Variants in SEMA3A observed in about 807,000 individuals in gnomAD.
SEMA3A encodes the protein semaphorin-3A.
A neutral mutation model predicts 97.9 loss-of-function variants in SEMA3A; 29 were observed. The observed-to-expected ratio is 0.30, with a 90% CI of 0.22 to 0.40. The LOEUF is 0.40. SEMA3A is among the 10% of genes least tolerant of loss of function. SEMA3A has a pLI of 1.00. For missense variants in SEMA3A, 763 were observed against 951.3 expected (o/e 0.80, Z 2.60); for synonymous variants, 321 against 323.7 (o/e 0.99, Z 0.09).
At chr7:84,125,396 C>A (rs1033706459) in intron 3 of SEMA3A, among the ~76,000 whole-genome samples, 9 of 152,180 alleles carry the variant, frequency 5.9e-5, no homozygotes, top group African/African-American at 1.9e-4. Flanking sequence ...AATTCATAAA[C>A]ATTTTTAGTA....
chr7:84,242,936 T>C (rs891200937), intron 3 of SEMA3A, among the ~76,000 whole-genome samples: 1 of 152,178 alleles, frequency 6.6e-6, no homozygotes, highest in Non-Finnish European at 1.5e-5. Context: ...ATGGATTATG[T>C]TTATTGATTG....
chr7:83,963,083 TGATTGGTTCA>T, intron 16 of SEMA3A, 112 bp downstream of exon 16: 1 of 1,013,748 alleles, frequency 9.9e-7, no homozygotes, highest in Admixed American at 1.9e-5. Flanking sequence ...AATGAGCGAT[TGATTGGTTCA>T]GAAGAGGATA....
At chr7:84,314,018 T>C (rs1454013767) in intron 2 of SEMA3A, among the ~76,000 whole-genome samples, 1 of 152,114 alleles carries the variant, frequency 6.6e-6, no homozygotes, top group Non-Finnish European at 1.5e-5. Flanking sequence ...AATGAGTTTA[T>C]GATAGCAAGG....
chr7:84,292,093 C>T (rs1800761723), intron 3 of SEMA3A, among the ~76,000 whole-genome samples: 1 of 152,074 alleles, frequency 6.6e-6, no homozygotes, highest in African/African-American at 2.4e-5. Context: ...GACTGATGAC[C>T]TCACTACAAA....
intron 6 of SEMA3A, among the ~76,000 whole-genome samples, chr7:84,039,354 C>T (rs1248988031): frequency 1.3e-5 from 2 of 152,060 alleles, no homozygotes; most frequent in East Asian, 3.9e-4. Flanking sequence ...AACTTTAGGG[C>T]CCATGAAGAG....
chr7:84,176,738 C>T (rs1028484434), intron 1 of SEMA3A, among the ~76,000 whole-genome samples: 2 of 152,110 alleles, frequency 1.3e-5, no homozygotes, highest in Admixed American at 6.5e-5. Flanking sequence ...GCCACTCTGA[C>T]AATGTTAGTT....
Position 84,435,436 on chromosome 7 carries a change from C to T in SEMA3A, c.-246+57024G>A, listed in dbSNP as rs545649371. ...AATCCTGGCCAACATGGTGAAACCC[C>T]GTCTCTACTAAAAATACAAAAATTA... On this transcript the variant is annotated intron_variant, in intron 1 of 3. Coordinates refer to the SEMA3A transcript ENST00000424555. Among the ~76,000 whole-genome samples, 142 of 152,188 alleles carry T rather than the reference C, an allele frequency of 9.3e-4. 1 individual carries two copies. The highest frequency in any genetic ancestry group is 3.2e-3 in the African/African-American group (134 of 41,538).
chr7:83,989,893 A>G (rs1048851501), intron 12 of SEMA3A, among the ~76,000 whole-genome samples: 5 of 151,168 alleles, frequency 3.3e-5, no homozygotes, highest in Admixed American at 3.3e-4. Flanking sequence ...GAATTACCAC[A>G]CTGACTTCCA....
intron 2 of SEMA3A, among the ~76,000 whole-genome samples, chr7:84,352,404 A>G (rs1359780251): frequency 6.6e-6 from 1 of 152,002 alleles, no homozygotes; most frequent in Non-Finnish European, 1.5e-5. Context: ...CATATCACAA[A>G]GAAAGGATAA....
intron 5 of SEMA3A, among the ~76,000 whole-genome samples, chr7:84,047,169 C>G (rs574621634): frequency 1.3e-5 from 2 of 151,930 alleles, no homozygotes; most frequent in East Asian, 3.9e-4. Context: ...ATGCAAGATT[C>G]CATCACTTTT....
chr7:84,174,519 G>GA (rs1797500172), intron 1 of SEMA3A, among the ~76,000 whole-genome samples: 1 of 152,168 alleles, frequency 6.6e-6, no homozygotes, highest in Non-Finnish European at 1.5e-5. Flanking sequence ...TTTATATACT[G>GA]AAACAACTTA....
At chr7:84,274,840 A>G (rs17158801) in intron 3 of SEMA3A, among the ~76,000 whole-genome samples, 2,654 of 152,174 alleles carry the variant, frequency 0.017, 75 homozygotes, top group African/African-American at 0.061. Context: ...AAACCTGGAC[A>G]TAAAAGTGCC....
intron 1 of SEMA3A, among the ~76,000 whole-genome samples, chr7:84,186,755 TAA>T (rs35194622): frequency 1.4e-5 from 2 of 143,880 alleles, no homozygotes; most frequent in African/African-American, 2.5e-5. Flanking sequence ...ACTACATATT[TAA>T]AAAAAAAAAA....
At chr7:84,167,949 A>C (rs1303578689) in intron 1 of SEMA3A, among the ~76,000 whole-genome samples, 1 of 152,156 alleles carries the variant, frequency 6.6e-6, no homozygotes, top group Non-Finnish European at 1.5e-5. Context: ...GATAAAACCA[A>C]CAATTAAGTT....
chr7:84,425,546 A>G (rs1804794749), intron 1 of SEMA3A, among the ~76,000 whole-genome samples: 1 of 145,132 alleles, frequency 6.9e-6, no homozygotes, highest in Non-Finnish European at 1.5e-5. Context: ...ATTTATATGA[A>G]TATAAACATA....
chr7:83,977,682 T>C (rs1484548711), intron 14 of SEMA3A, among the ~76,000 whole-genome samples: 1 of 152,054 alleles, frequency 6.6e-6, no homozygotes, highest in Non-Finnish European at 1.5e-5. Flanking sequence ...TGCTTACACA[T>C]AATTATTTAA....
At chr7:84,348,193 T>C (rs6955438) in intron 2 of SEMA3A, among the ~76,000 whole-genome samples, 1 of 152,148 alleles carries the variant, frequency 6.6e-6, no homozygotes, top group South Asian at 2.1e-4. Flanking sequence ...GTGGCTTTGC[T>C]AAACTCCTAA....
At chr7:84,256,887 T>G (rs1258602501) in intron 3 of SEMA3A, among the ~76,000 whole-genome samples, 2 of 152,118 alleles carry the variant, frequency 1.3e-5, no homozygotes, top group Non-Finnish European at 2.9e-5. Context: ...CTGATGAATT[T>G]TCTCTTCACT....
At chr7:84,383,210 T>C (rs942014763) in intron 1 of SEMA3A, among the ~76,000 whole-genome samples, 3 of 152,000 alleles carry the variant, frequency 2.0e-5, no homozygotes, top group African/African-American at 7.2e-5. Flanking sequence ...ATTTAAGAAA[T>C]TGAAAAATAA....
Sources: allele counts gnomAD v4.1 joint callset (sites outside exome capture counted in the v4.1 genomes callset), GRCh38; gene constraint gnomAD v4.1.1; transcripts MANE v1.5; gene names NCBI Gene and HGNC (gene_info 2026-07-23, HGNC 2026-07-21).